ARHGAP10: variants seen among roughly 807,000 people sequenced by gnomAD.
ARHGAP10 encodes rho GTPase-activating protein 10.
Under a neutral mutation model 108.6 loss-of-function variants are expected in ARHGAP10, and 87 were observed. The ratio of observed to expected loss-of-function variants is 0.80; its 90% CI spans 0.67 to 0.96. The LOEUF is 0.96. Among genes scored for constraint, ARHGAP10 ranks in the 40% least tolerant of loss-of-function variants. ARHGAP10 has a pLI of 0.00. For missense variants in ARHGAP10, 939 were observed against 954.5 expected (o/e 0.98, Z 0.21); for synonymous variants, 347 against 341.1 (o/e 1.02, Z -0.19).
chr4:147,785,003 T>C (rs1020995087), intron 1 of ARHGAP10, among the ~76,000 whole-genome samples: 4 of 136,280 alleles, frequency 2.9e-5, no homozygotes, highest in African/African-American at 1.1e-4. Flanking sequence ...TTATGAAATA[T>C]ATGTTATATA....
At chr4:147,983,189 T>C (rs1739896541) in intron 18 of ARHGAP10, among the ~76,000 whole-genome samples, 1 of 120,442 alleles carries the variant, frequency 8.3e-6, no homozygotes, top group Non-Finnish European at 1.6e-5. Flanking sequence ...GCTGCTTTGT[T>C]TTTTTTTTTT....
chr4:147,740,880 T>C (rs944468188), intron 1 of ARHGAP10, among the ~76,000 whole-genome samples: 2 of 152,192 alleles, frequency 1.3e-5, no homozygotes, highest in East Asian at 1.9e-4. Context: ...TGTATACCCA[T>C]TCTTTTCCCC....
rs187384559 is a variant in ARHGAP10, at chr4:147,773,687, A to G, written c.154+41232A>G. Among the ~76,000 whole-genome samples, 5 of 152,202 alleles carry G rather than the reference A, an allele frequency of 3.3e-5. No homozygotes were observed. The East Asian group carries it at 9.7e-4, about 29-fold the overall frequency. ...CTTAAAACAGTGTTAAAAAGCATGC[A>G]CTCTGTGTACCAAAAGCCTTAAAGT... is the stretch of plus-strand genomic sequence containing the variant. On this transcript the variant is annotated intron_variant, in intron 1 of 22. Transcript: ENST00000336498.
chr4:147,885,841 T>C (rs1366335192), intron 10 of ARHGAP10, among the ~76,000 whole-genome samples: 2 of 152,222 alleles, frequency 1.3e-5, no homozygotes, highest in Non-Finnish European at 2.9e-5. Flanking sequence ...TCTTGTAATA[T>C]GTAGTTTCCT....
At chr4:148,060,983 C>G (rs1239176727) in intron 20 of ARHGAP10, among the ~76,000 whole-genome samples, 1 of 152,070 alleles carries the variant, frequency 6.6e-6, no homozygotes, top group African/African-American at 2.4e-5. Context: ...GACAGGCAGG[C>G]TTTTCTGTTG....
intron 15 of ARHGAP10, among the ~76,000 whole-genome samples, chr4:147,947,252 A>G (rs1197131952): frequency 6.7e-6 from 1 of 149,428 alleles, no homozygotes; most frequent in African/African-American, 2.5e-5. Context: ...TTTTTTAAAG[A>G]AAAGAACTTA....
intron 7 of ARHGAP10, among the ~76,000 whole-genome samples, chr4:147,868,553 G>T (rs1734664670): frequency 6.6e-6 from 1 of 152,154 alleles, no homozygotes; most frequent in South Asian, 2.1e-4. Context: ...AGATTATTCA[G>T]AATATTTTTG....
chr4:147,877,819 C>CTTTTTTTTTTT lies in ARHGAP10; in HGVS notation c.833-1408_833-1398dup, dbSNP rs549355620. Among the ~76,000 whole-genome samples the CTTTTTTTTTTT allele has an allele frequency of 2.7e-4, 35 of 131,450 alleles. 3 individuals carry two copies. The highest frequency in any genetic ancestry group is 8.8e-4 in the African/African-American group (28 of 31,798). The allele number at this position is 131,450 out of a possible 152,430, so 86.2% of individuals were successfully genotyped here. On this transcript the variant is annotated intron_variant, in intron 8 of 22. Coordinates refer to ENST00000336498, the MANE Select transcript of ARHGAP10 (RefSeq NM_024605.4). Reference sequence around the variant, plus strand: ...AGTCTTAGATTTCTTATTCTTCATACTTTTTTTTTTTTTTTGCTGAGATTA... The same window carrying CTTTTTTTTTTT: ...AGTCTTAGATTTCTTATTCTTCATACTTTTTTTTTTTTTTTTTTTTTTTTTTGCTGAGATTA...
chr4:147,984,849 G>A (rs980778072), intron 18 of ARHGAP10, among the ~76,000 whole-genome samples: 3 of 152,202 alleles, frequency 2.0e-5, no homozygotes, highest in Non-Finnish European at 4.4e-5. Flanking sequence ...GCCAATCTGT[G>A]GAGTGCACAG....
intron 1 of ARHGAP10, among the ~76,000 whole-genome samples, chr4:147,750,909 A>G (rs957072348): frequency 1.3e-5 from 2 of 151,994 alleles, no homozygotes; most frequent in African/African-American, 4.8e-5. Context: ...GCCATAAAAT[A>G]TCTTCAATTT....
chr4:147,778,707 G>A (rs544180221), intron 1 of ARHGAP10, among the ~76,000 whole-genome samples: 59 of 152,196 alleles, frequency 3.9e-4, no homozygotes, highest in South Asian at 1.0e-3. Context: ...CCTGGATGTC[G>A]CTCCTTTTTG....
intron 1 of ARHGAP10, among the ~76,000 whole-genome samples, chr4:147,746,165 G>A (rs537857999): frequency 2.6e-5 from 4 of 151,920 alleles, no homozygotes; most frequent in East Asian, 1.9e-4. Flanking sequence ...GTGCTGTGGC[G>A]TGATCTTGGC....
At chr4:147,919,601 C>T (rs1355077006) in intron 13 of ARHGAP10, among the ~76,000 whole-genome samples, 6 of 151,616 alleles carry the variant, frequency 4.0e-5, no homozygotes, top group African/African-American at 1.5e-4. Flanking sequence ...GAGATGCAGT[C>T]CCTCTCTGTT....
At chr4:147,903,657 T>C (rs1396109073) in intron 10 of ARHGAP10, among the ~76,000 whole-genome samples, 5 of 152,324 alleles carry the variant, frequency 3.3e-5, no homozygotes, top group South Asian at 2.1e-4. Context: ...CTTTTTACTG[T>C]CTCTGTAGTT....
rs757275728 is a variant in ARHGAP10 at position 147,881,873 on chromosome 4, C to G, written c.975C>G (p.Thr325=). 1.9e-5 allele frequency: 31 copies of G among 1,613,612 alleles called. No individual in the cohort carries two copies. Among genetic ancestry groups the G allele is most frequent in the Non-Finnish European group, 2.4e-5 (28 of 1,179,884 alleles). The part of the protein sequence containing the change: ...DGEVFFLKEC[T]KRHTDSIDRR... The stretch of plus-strand genomic sequence containing the variant: ...AGGTGTTCTTTTTGAAAGAATGTAC[C>G]AAGAGGCATACTGACTCCATTGACA... Residue 325 remains threonine, a synonymous_variant, in exon 10 of 23, where the codon ACC becomes ACG. Coordinates refer to ENST00000336498, the MANE Select transcript of ARHGAP10 (RefSeq NM_024605.4).
chr4:147,932,312 C>G (rs577833822), intron 13 of ARHGAP10, among the ~76,000 whole-genome samples: 11 of 152,092 alleles, frequency 7.2e-5, no homozygotes, highest in African/African-American at 2.4e-4. Flanking sequence ...GGGTATATAC[C>G]CAAAGGAATG....
rs145284157 is a variant in ARHGAP10 at position 148,027,344 on chromosome 4, G to T, written c.1867+3931G>T. 2.0e-5 allele frequency among the ~76,000 whole-genome samples: 3 copies of T among 152,276 alleles called. No individual in the cohort carries two copies. In the East Asian group the frequency reaches 5.8e-4, roughly 29 times the overall value. The stretch of plus-strand genomic sequence containing the variant: ...ACAAAATCATCTTGCAAGCCAATTG[G>T]CAAGATTTAATAACATTTGAGTGTT... On this transcript the variant is annotated intron_variant, in intron 19 of 22. Transcript: ENST00000336498.
chr4:147,842,809 A>T (rs1049360441), intron 3 of ARHGAP10, among the ~76,000 whole-genome samples: 8 of 151,950 alleles, frequency 5.3e-5, no homozygotes, highest in African/African-American at 1.9e-4. Context: ...TCTTAGAAAC[A>T]CTCGCCTGGG....
At chr4:147,734,352 C>G (rs1019284961) in intron 1 of ARHGAP10, among the ~76,000 whole-genome samples, 4 of 152,164 alleles carry the variant, frequency 2.6e-5, no homozygotes, top group Non-Finnish European at 5.9e-5. Flanking sequence ...AGACTGTAGA[C>G]TTTCTTGAAT....
Sources: gnomAD v4.1 joint callset for allele counts (sites outside exome capture counted in the v4.1 genomes callset) on GRCh38, gnomAD v4.1.1 for gene constraint, MANE v1.5 for transcripts, NCBI Gene and HGNC (gene_info 2026-07-23, HGNC 2026-07-21) for gene names.